Variants in EPB41L4A observed in about 807,000 individuals in gnomAD.
The protein encoded by EPB41L4A is band 4.1-like protein 4A.
Under a neutral mutation model 108.6 loss-of-function variants are expected in EPB41L4A, and 100 were observed. The observed-to-expected ratio is 0.92, with a 90% CI of 0.78 to 1.09. The LOEUF is 1.09. Ranked by LOEUF, EPB41L4A falls within the 50% of genes least tolerant of loss-of-function variation. The pLI, the probability that EPB41L4A is intolerant of heterozygous loss-of-function variation, is 0.00. For missense variants in EPB41L4A, 1,030 were observed against 842.7 expected (o/e 1.22, Z -2.75); for synonymous variants, 319 against 289.0 (o/e 1.10, Z -1.05).
At chr5:112,342,655 T>C (rs1757389294) in intron 1 of EPB41L4A, among the ~76,000 whole-genome samples, 4 of 152,196 alleles carry the variant, frequency 2.6e-5, no homozygotes, top group Admixed American at 2.0e-4. Flanking sequence ...CAGGAGCAAC[T>C]GCCTCCATGG....
rs777063013 is a variant in EPB41L4A at position 112,265,034 on chromosome 5, C to G, written c.434-18G>C. The stretch of plus-strand genomic sequence containing the variant: ...AAGCTCCGCTAAAAAAGAAAGATAA[C>G]ATAGTTTTTTCCATTTTAGGAAAAT... On this transcript the variant is annotated intron_variant, in intron 5 of 22. Coordinates refer to ENST00000261486, the MANE Select transcript of EPB41L4A (RefSeq NM_022140.5). 5.2e-6 allele frequency: 8 copies of G among 1,544,448 alleles called. No individual in the cohort carries two copies. The highest frequency in any genetic ancestry group is 2.3e-5 in the East Asian group (1 of 42,708).
chr5:112,162,092 A>G (rs1759943352), downstream of EPB41L4A: 1 of 152,240 alleles, frequency 6.6e-6, no homozygotes, highest in Non-Finnish European at 1.5e-5. Context: ...CAAGTTCTTG[A>G]TTAAAATGTA....
chr5:112,384,921 A>G (rs1760407601), intron 1 of EPB41L4A, among the ~76,000 whole-genome samples: 1 of 152,246 alleles, frequency 6.6e-6, no homozygotes, highest in East Asian at 1.9e-4. Context: ...AAGAGAGCTG[A>G]GCAGCCCCAT....
chr5:112,311,718 C>T (rs896304761), intron 1 of EPB41L4A, among the ~76,000 whole-genome samples: 10 of 152,138 alleles, frequency 6.6e-5, no homozygotes, highest in African/African-American at 2.4e-4. Context: ...TCTCTTTGAT[C>T]TAAAATTTTA....
At chr5:112,357,497 T>C (rs1321330484) in intron 1 of EPB41L4A, among the ~76,000 whole-genome samples, 2 of 150,876 alleles carry the variant, frequency 1.3e-5, no homozygotes, top group African/African-American at 4.8e-5. Flanking sequence ...TTCACAAAGA[T>C]TTCCTTAAGA....
At chr5:112,247,667 ATACAGG>A (rs1410920988) in intron 9 of EPB41L4A, among the ~76,000 whole-genome samples, 2 of 152,216 alleles carry the variant, frequency 1.3e-5, no homozygotes, top group African/African-American at 4.8e-5. Flanking sequence ...CGCTGATATA[ATACAGG>A]TCCTGAATTC....
intron 1 of EPB41L4A, among the ~76,000 whole-genome samples, chr5:112,369,898 T>TG (rs1233477775): frequency 6.6e-6 from 1 of 152,240 alleles, no homozygotes; most frequent in African/African-American, 2.4e-5. Flanking sequence ...AACCTGCTTC[T>TG]GGTGCTTCCC....
chr5:112,244,986 C>G (rs1192444945), intron 9 of EPB41L4A, among the ~76,000 whole-genome samples: 2 of 151,766 alleles, frequency 1.3e-5, no homozygotes, highest in Admixed American at 6.6e-5. Flanking sequence ...AAATGTGACA[C>G]AGTGACACGA....
chr5:112,385,322 C>T (rs988316225), intron 1 of EPB41L4A, among the ~76,000 whole-genome samples: 4 of 151,942 alleles, frequency 2.6e-5, no homozygotes, highest in African/African-American at 9.7e-5. Flanking sequence ...CAATAAAAGG[C>T]ATAAAAAAGT....
At chr5:112,241,261 C>T (rs995205672) in intron 9 of EPB41L4A, among the ~76,000 whole-genome samples, 1 of 152,132 alleles carries the variant, frequency 6.6e-6, no homozygotes, top group Non-Finnish European at 1.5e-5. Flanking sequence ...AGCCAAGAAC[C>T]ACCAGGAGTG....
In EPB41L4A at chr5:112,230,433, T is replaced by A. The variant is rs558980598; in HGVS notation, c.1087+4201A>T. On this transcript the variant is annotated intron_variant, in intron 12 of 22. Transcript: ENST00000261486. ...TTAATTATGGTCATTCTTGCAGGAG[T>A]AAAGCGGTATCTCATTGTGGTTTTG... 5.3e-5 allele frequency among the ~76,000 whole-genome samples: 8 copies of A among 152,266 alleles called. No individual in the cohort carries two copies. In the East Asian group the frequency reaches 1.5e-3, roughly 29 times the overall value.
chr5:112,173,644 T>C (rs867991245), intron 18 of EPB41L4A: 1 of 104,918 alleles, frequency 9.5e-6, no homozygotes, highest in South Asian at 5.0e-4. Context: ...AATGTTATCT[T>C]TGTTTTTTTT....
chr5:112,235,833 G>C (rs1258326415), intron 11 of EPB41L4A, among the ~76,000 whole-genome samples: 2 of 152,160 alleles, frequency 1.3e-5, no homozygotes, highest in Non-Finnish European at 2.9e-5. Flanking sequence ...ATCCATGATT[G>C]TTCTTCATGT....
chr5:112,152,162 T>C (rs1423947303), intron 12 of EPB41L4A, among the ~76,000 whole-genome samples: 2 of 141,296 alleles, frequency 1.4e-5, no homozygotes, highest in African/African-American at 5.3e-5. Flanking sequence ...TTTTAACAAA[T>C]CCAATACAAG....
chr5:112,346,216 A>ATT lies in EPB41L4A; in HGVS notation c.100-38728_100-38727dup, dbSNP rs561328868. 2.9e-3 allele frequency among the ~76,000 whole-genome samples: 196 copies of ATT among 67,310 alleles called. 20 individuals are homozygous for ATT. Among genetic ancestry groups the ATT allele is most frequent in the African/African-American group, 7.1e-3 (170 of 23,948 alleles). The allele number at this position is 67,310 out of a possible 152,430, so 44.2% of individuals were successfully genotyped here. On this transcript the variant is annotated intron_variant, in intron 1 of 22. Coordinates refer to ENST00000261486, the MANE Select transcript of EPB41L4A (RefSeq NM_022140.5). Reference sequence around the variant, plus strand: ...AATTCTTTAAAGTTAGGTACATTGCATTTTTTTTTTTTTTTTTTTTTTTTT... The same window carrying ATT: ...AATTCTTTAAAGTTAGGTACATTGCATTTTTTTTTTTTTTTTTTTTTTTTTTT...
chr5:112,418,499 T>C (rs988371662), intron 1 of EPB41L4A, among the ~76,000 whole-genome samples: 5 of 151,714 alleles, frequency 3.3e-5, no homozygotes, highest in East Asian at 3.9e-4. Flanking sequence ...GACCCATTAA[T>C]GCGTTTCAAC....
Position 112,164,811 on chromosome 5 carries a change from G to GC in EPB41L4A, c.*178dup, listed in dbSNP as rs1423474834. On this transcript the variant is annotated 3_prime_UTR_variant, in exon 23 of 23. Coordinates refer to ENST00000261486, the MANE Select transcript of EPB41L4A (RefSeq NM_022140.5). ...ACGGTGCCGCTGCACTCCAGCCTGG[G>GC]CGACAGAGTGATAACATCTCAAAAA... 1 of 570,886 alleles carries GC rather than the reference G, an allele frequency of 1.8e-6. No homozygotes were observed. The highest frequency in any genetic ancestry group is 3.9e-5 in the East Asian group (1 of 25,742). 35.4% of individuals were successfully genotyped at this position (570,886 alleles called of 1,614,324 possible). A position where few individuals can be genotyped will look rare whatever the true frequency, so the allele number is the denominator to read the frequency against.
At chr5:112,257,743 G>A (rs556425500) in intron 9 of EPB41L4A, among the ~76,000 whole-genome samples, 1 of 152,258 alleles carries the variant, frequency 6.6e-6, no homozygotes, top group East Asian at 1.9e-4. Context: ...GCTTCCATAA[G>A]TCTTTTGATT....
chr5:112,249,006 A>G (rs1750444985), intron 9 of EPB41L4A: 1 of 152,216 alleles, frequency 6.6e-6, no homozygotes, highest in Non-Finnish European at 1.5e-5. Context: ...CCCATTATAT[A>G]CCTGGCTCAC....
Sources: allele counts gnomAD v4.1 joint callset (sites outside exome capture counted in the v4.1 genomes callset), GRCh38; gene constraint gnomAD v4.1.1; transcripts MANE v1.5; gene names NCBI Gene and HGNC (gene_info 2026-07-23, HGNC 2026-07-21).